FHIT: variants seen among roughly 807,000 people sequenced by gnomAD.
FHIT encodes the protein bis(5'-adenosyl)-triphosphatase.
A neutral mutation model predicts 17.9 loss-of-function variants in FHIT; 19 were observed. That is an observed-to-expected ratio of 1.06 (90% CI 0.74 to 1.56). The LOEUF (loss-of-function observed/expected upper bound fraction) is 1.56. FHIT is among the 40% of genes most tolerant of loss of function. The pLI is 0.00. For synonymous variants in FHIT, 81 were observed against 69.7 expected, an observed-to-expected ratio of 1.16 and a Z score of -0.81; for missense variants, 248 against 189.2, an observed-to-expected ratio of 1.31 and a Z score of -1.82.
intron 5 of FHIT, among the ~76,000 whole-genome samples, chr3:60,316,326 C>T (rs1049858984): frequency 3.3e-5 from 5 of 152,130 alleles, no homozygotes; most frequent in Non-Finnish European, 5.9e-5. Context: ...TGCCAGATGT[C>T]ACCTTTTATA....
At chr3:61,231,861 A>C (rs922468502) in intron 1 of FHIT, among the ~76,000 whole-genome samples, 3 of 152,232 alleles carry the variant, frequency 2.0e-5, no homozygotes, top group African/African-American at 7.2e-5. Flanking sequence ...TACATATGGA[A>C]AATGAAACTG....
chr3:60,558,350 G>C (rs747268665), intron 4 of FHIT, among the ~76,000 whole-genome samples: 9 of 151,804 alleles, frequency 5.9e-5, no homozygotes, highest in Non-Finnish European at 1.0e-4. Context: ...ATTACCCTTA[G>C]TAACAGCACA....
chr3:60,517,686 A>G (rs1177502238), intron 5 of FHIT, among the ~76,000 whole-genome samples: 1 of 152,216 alleles, frequency 6.6e-6, no homozygotes, highest in African/African-American at 2.4e-5. Flanking sequence ...ATAACGTCAT[A>G]TTGAATATAG....
chr3:59,850,249 A>G (rs1701880472), intron 8 of FHIT, among the ~76,000 whole-genome samples: 1 of 152,224 alleles, frequency 6.6e-6, no homozygotes, highest in African/African-American at 2.4e-5. Flanking sequence ...TTATCAGTGG[A>G]CAAATGTTTT....
intron 3 of FHIT, among the ~76,000 whole-genome samples, chr3:60,867,171 C>A (rs1704202329): frequency 1.3e-5 from 2 of 152,208 alleles, no homozygotes; most frequent in African/African-American, 2.4e-5. Context: ...TAAATAAAAT[C>A]AGCAAATTTG....
rs563517301 is a variant in FHIT at position 60,597,201 on chromosome 3, T to G, written c.-17-60222A>C. 9.2e-5 allele frequency among the ~76,000 whole-genome samples: 14 copies of G among 152,144 alleles called. No individual in the cohort carries two copies. The South Asian group carries it at 2.9e-3, about 32-fold the overall frequency. On this transcript the variant is annotated intron_variant, in intron 4 of 9. Coordinates refer to ENST00000492590, the MANE Select transcript of FHIT (RefSeq NM_002012.4). ...TAATTAAGTCAAACTCACCCAACATTAACATGGGGGAGAAGAGATTTTTTT... is the reference window on the plus strand; with the variant it reads ...TAATTAAGTCAAACTCACCCAACATGAACATGGGGGAGAAGAGATTTTTTT...
intron 5 of FHIT, among the ~76,000 whole-genome samples, chr3:60,515,681 CTT>C (rs1379096968): frequency 1.1e-4 from 16 of 149,080 alleles, no homozygotes; most frequent in Non-Finnish European, 7.4e-5. Flanking sequence ...ACAATAGAAA[CTT>C]AACAATAATG....
At chr3:60,427,271 CG>C (rs1702707187) in intron 5 of FHIT, among the ~76,000 whole-genome samples, 1 of 151,990 alleles carries the variant, frequency 6.6e-6, no homozygotes, top group African/African-American at 2.4e-5. Flanking sequence ...GCGCAGTAGC[CG>C]AAAGATAATG....
chr3:60,196,187 GA>G (rs1268507967), intron 5 of FHIT, among the ~76,000 whole-genome samples: 1 of 152,142 alleles, frequency 6.6e-6, no homozygotes, highest in African/African-American at 2.4e-5. Context: ...TCAGAAGTCT[GA>G]AATGGCTGTC....
At chr3:60,204,645 T>A (rs772282672) in intron 5 of FHIT, among the ~76,000 whole-genome samples, 1 of 152,044 alleles carries the variant, frequency 6.6e-6, no homozygotes, top group Non-Finnish European at 1.5e-5. Flanking sequence ...AATGAAAAGA[T>A]GCTCAAATTT....
At chr3:60,922,848 T>A (rs1332351796) in intron 3 of FHIT, among the ~76,000 whole-genome samples, 1 of 152,224 alleles carries the variant, frequency 6.6e-6, no homozygotes, top group Non-Finnish European at 1.5e-5. Context: ...TTAATTAAAA[T>A]TGTGGAATCC....
intron 4 of FHIT, among the ~76,000 whole-genome samples, chr3:60,561,890 G>C (rs1468959593): frequency 7.4e-6 from 1 of 134,542 alleles, no homozygotes; most frequent in East Asian, 2.2e-4. Context: ...GAAAATGAAA[G>C]AAAAGAAAAA....
chr3:61,076,351 G>A (rs1008203206), intron 2 of FHIT, among the ~76,000 whole-genome samples: 18 of 152,282 alleles, frequency 1.2e-4, no homozygotes, highest in African/African-American at 3.4e-4. Context: ...GCTTAGGTCA[G>A]GGTGTGAAAG....
Position 60,375,425 on chromosome 3 carries a change from AT to A in FHIT, c.103+161434del, listed in dbSNP as rs1483680008. Among the ~76,000 whole-genome samples, 6 of 137,258 alleles carry A rather than the reference AT, an allele frequency of 4.4e-5. No homozygotes were observed. The East Asian group carries it at 1.1e-3, about 25-fold the overall frequency. The allele number at this position is 137,258 out of a possible 152,430, so 90.0% of individuals were successfully genotyped here. A position where few individuals can be genotyped will look rare whatever the true frequency, so the allele number is the denominator to read the frequency against. On this transcript the variant is annotated intron_variant, in intron 5 of 9. Transcript: ENST00000492590. ...CTCTACTTTAAAAAAAAAAAAAAAA[AT>A]TAGCCAGATGTGGTGGTGTACACCA...
chr3:60,631,765 G>A (rs782606479), intron 4 of FHIT, among the ~76,000 whole-genome samples: 1 of 152,138 alleles, frequency 6.6e-6, no homozygotes, highest in Non-Finnish European at 1.5e-5. Context: ...TGACTTACGT[G>A]GGCACCGTGC....
intron 4 of FHIT, among the ~76,000 whole-genome samples, chr3:60,639,230 T>A (rs529605166): frequency 5.2e-4 from 79 of 151,806 alleles, no homozygotes; most frequent in African/African-American, 1.8e-3. Context: ...GAGAGAAGTT[T>A]GGAAGTTAAG....
chr3:61,082,912 A>T (rs1204913093), intron 2 of FHIT, among the ~76,000 whole-genome samples: 3 of 152,108 alleles, frequency 2.0e-5, no homozygotes, highest in Non-Finnish European at 4.4e-5. Flanking sequence ...ATCCCTACTT[A>T]GCTCCCAAGA....
chr3:60,066,757 C>G (rs193156234), intron 5 of FHIT, among the ~76,000 whole-genome samples: 1 of 147,426 alleles, frequency 6.8e-6, no homozygotes, highest in African/African-American at 2.5e-5. Flanking sequence ...CGCGGGTTCA[C>G]GCCATTCTCC....
At chr3:60,035,581 T>C (rs949121314) in intron 5 of FHIT, among the ~76,000 whole-genome samples, 1 of 152,184 alleles carries the variant, frequency 6.6e-6, no homozygotes, top group Admixed American at 6.5e-5. Flanking sequence ...AATATAAGTT[T>C]TGCAAACTTT....
Sources: allele counts gnomAD v4.1 joint callset (sites outside exome capture counted in the v4.1 genomes callset), GRCh38; gene constraint gnomAD v4.1.1; transcripts MANE v1.5; gene names NCBI Gene and HGNC (gene_info 2026-07-23, HGNC 2026-07-21).